Variants in GPC6 observed in about 807,000 individuals in gnomAD.
The protein encoded by GPC6 is glypican-6.
A neutral mutation model predicts 55.2 loss-of-function variants in GPC6; 14 were observed. That is an observed-to-expected ratio of 0.25 (90% CI 0.17 to 0.40). The LOEUF (loss-of-function observed/expected upper bound fraction) is 0.40. Ranked by LOEUF, GPC6 falls within the 10% of genes least tolerant of loss-of-function variation. The pLI is 1.00. For synonymous variants in GPC6, 278 were observed against 259.6 expected, an observed-to-expected ratio of 1.07 and a Z score of -0.68; for missense variants, 641 against 708.5, an observed-to-expected ratio of 0.90 and a Z score of 1.08.
chr13:93,508,607 A>G (rs1239699550), intron 1 of GPC6, among the ~76,000 whole-genome samples: 1 of 152,250 alleles, frequency 6.6e-6, no homozygotes, highest in African/African-American at 2.4e-5. Context: ...AGGTTTACTC[A>G]GGCTACTGTG....
rs898807299 is a variant in GPC6 at position 93,995,268 on chromosome 13, A to G, written c.712-32461A>G. Among the ~76,000 whole-genome samples, 6 of 151,656 alleles carry G rather than the reference A, an allele frequency of 4.0e-5. 1 individual carries two copies. On this transcript the variant is annotated intron_variant, in intron 3 of 8. Transcript: ENST00000377047. The stretch of plus-strand genomic sequence containing the variant: ...AGTGGCACAACCTCAGCTCAGTACA[A>G]CTTCTGCCTCCTGGGTTCAAGCAAT...
chr13:94,118,267 A>G (rs983915308), intron 4 of GPC6, among the ~76,000 whole-genome samples: 1 of 152,044 alleles, frequency 6.6e-6, no homozygotes, highest in African/African-American at 2.4e-5. Context: ...ACAAGATCTG[A>G]TGATTTTATA....
intron 4 of GPC6, among the ~76,000 whole-genome samples, chr13:94,092,456 C>G (rs1308353553): frequency 3.3e-5 from 5 of 152,110 alleles, no homozygotes; most frequent in Non-Finnish European, 5.9e-5. Flanking sequence ...TTGCAAATAA[C>G]AGAATTTCAT....
intron 1 of GPC6, among the ~76,000 whole-genome samples, chr13:93,442,795 T>C (rs748671974): frequency 1.6e-4 from 24 of 152,046 alleles, no homozygotes; most frequent in Non-Finnish European, 3.4e-4. Context: ...GCTAAGTGTA[T>C]ATATATATTT....
chr13:94,197,314 C>T (rs1178565410), intron 4 of GPC6, among the ~76,000 whole-genome samples: 4 of 152,216 alleles, frequency 2.6e-5, no homozygotes, highest in Non-Finnish European at 5.9e-5. Flanking sequence ...TGCCAAGCAT[C>T]ATCAAGTTCT....
rs1881380621 is a variant in GPC6, at chr13:93,369,638, C to A, written c.160+142022C>A. Reference sequence around the variant, plus strand: ...TCATGTTTGGATATTCTAGTTTGAGCAGAATTAGAAGCTCAAAAGTATGCT... The same window carrying A: ...TCATGTTTGGATATTCTAGTTTGAGAAGAATTAGAAGCTCAAAAGTATGCT... On this transcript the variant is annotated intron_variant, in intron 1 of 8. Coordinates refer to ENST00000377047, the MANE Select transcript of GPC6 (RefSeq NM_005708.5). Among the ~76,000 whole-genome samples, 3 of 152,034 alleles carry A rather than the reference C, an allele frequency of 2.0e-5. No homozygotes were observed. In the South Asian group the frequency reaches 6.2e-4, roughly 32 times the overall value.
intron 1 of GPC6, among the ~76,000 whole-genome samples, chr13:93,465,974 TG>T (rs1019804034): frequency 1.3e-5 from 2 of 152,186 alleles, no homozygotes; most frequent in Non-Finnish European, 2.9e-5. Flanking sequence ...CAGACAGAGA[TG>T]GGGGGAACGG....
intron 1 of GPC6, among the ~76,000 whole-genome samples, chr13:93,241,016 C>CT (rs1876409623): frequency 6.6e-6 from 1 of 152,098 alleles, no homozygotes; most frequent in South Asian, 2.1e-4. Flanking sequence ...TGCCATTAGT[C>CT]TGACAGATTT....
intron 3 of GPC6, among the ~76,000 whole-genome samples, chr13:93,944,034 T>G (rs1878865837): frequency 6.6e-6 from 1 of 152,210 alleles, no homozygotes; most frequent in South Asian, 2.1e-4. Flanking sequence ...AAGCACCTGC[T>G]AGCGCTACAT....
At chr13:93,748,739 C>T (rs150525755) in intron 2 of GPC6, among the ~76,000 whole-genome samples, 50 of 152,102 alleles carry the variant, frequency 3.3e-4, no homozygotes, top group African/African-American at 1.2e-3. Context: ...AATTGTCCAG[C>T]GGATTTTGTA....
intron 3 of GPC6, among the ~76,000 whole-genome samples, chr13:93,900,135 T>C (rs1182874977): frequency 6.7e-6 from 1 of 149,802 alleles, no homozygotes; most frequent in Admixed American, 6.8e-5. Flanking sequence ...GGACTATCTG[T>C]ATGATTTAAG....
intron 3 of GPC6, among the ~76,000 whole-genome samples, chr13:93,882,134 T>A (rs1875024560): frequency 6.6e-6 from 1 of 151,774 alleles, no homozygotes; most frequent in South Asian, 2.1e-4. Context: ...ATTTATATTT[T>A]TGTTTTTGTT....
intron 1 of GPC6, among the ~76,000 whole-genome samples, chr13:93,494,750 G>T (rs200549133): frequency 1.3e-5 from 2 of 149,186 alleles, no homozygotes; most frequent in East Asian, 4.3e-4. Flanking sequence ...ATTTGCTTGT[G>T]TGTAAAGTAT....
At chr13:93,416,427 G>GGT (rs768594361) in intron 1 of GPC6, among the ~76,000 whole-genome samples, 18 of 151,920 alleles carry the variant, frequency 1.2e-4, no homozygotes, top group Non-Finnish European at 2.4e-4. Context: ...ATACACAGTA[G>GGT]GTATATATAT....
At chr13:93,319,051 A>G (rs1879340104) in intron 1 of GPC6, among the ~76,000 whole-genome samples, 1 of 152,092 alleles carries the variant, frequency 6.6e-6, no homozygotes, top group South Asian at 2.1e-4. Context: ...TATCCCATCA[A>G]TTACTTCCGA....
At chr13:94,080,722 AAGAG>A (rs1210263701) in intron 4 of GPC6, among the ~76,000 whole-genome samples, 1 of 152,042 alleles carries the variant, frequency 6.6e-6, no homozygotes, top group Non-Finnish European at 1.5e-5. Context: ...TCACATGAGG[AAGAG>A]AGAGCAACTT....
chr13:93,937,864 C>T (rs1210473749), intron 3 of GPC6, among the ~76,000 whole-genome samples: 3 of 152,188 alleles, frequency 2.0e-5, no homozygotes, highest in African/African-American at 4.8e-5. Flanking sequence ...CAGGCATGAG[C>T]ACCACGCCTG....
At chr13:93,662,993 C>T (rs1017001253) in intron 2 of GPC6, among the ~76,000 whole-genome samples, 2 of 150,430 alleles carry the variant, frequency 1.3e-5, no homozygotes, top group Non-Finnish European at 2.9e-5. Flanking sequence ...GCCAGGATTG[C>T]GAATCACTGT....
At chr13:93,625,550 G>GC (rs1238046294) in intron 2 of GPC6, among the ~76,000 whole-genome samples, 2 of 152,120 alleles carry the variant, frequency 1.3e-5, no homozygotes, top group Non-Finnish European at 2.9e-5. Context: ...TAGGCTTGGA[G>GC]CCTTCTGCGC....
Sources: gnomAD v4.1 joint callset for allele counts (sites outside exome capture counted in the v4.1 genomes callset) on GRCh38, gnomAD v4.1.1 for gene constraint, MANE v1.5 for transcripts, NCBI Gene and HGNC (gene_info 2026-07-23, HGNC 2026-07-21) for gene names.